Variants in KCNIP1 observed in about 807,000 individuals in gnomAD.
The protein encoded by KCNIP1 is potassium voltage-gated channel interacting protein 1.
Under a neutral mutation model 33.0 loss-of-function variants are expected in KCNIP1, and 18 were observed. The observed-to-expected ratio is 0.55, with a 90% CI of 0.38 to 0.81. KCNIP1 has a LOEUF of 0.81. Ranked by LOEUF, KCNIP1 falls within the 30% of genes least tolerant of loss-of-function variation. The pLI is 0.00. For missense variants in KCNIP1, 238 were observed against 271.6 expected (o/e 0.88, Z 0.87); for synonymous variants, 93 against 98.3 (o/e 0.95, Z 0.32).
At chr5:170,485,562 G>A (rs1264732697) in intron 1 of KCNIP1, among the ~76,000 whole-genome samples, 1 of 152,300 alleles carries the variant, frequency 6.6e-6, no homozygotes, top group East Asian at 1.9e-4. Flanking sequence ...AGTGCCTCCA[G>A]GAATCATCAA....
At chr5:170,565,824 G>A (rs1011462574) in intron 1 of KCNIP1, among the ~76,000 whole-genome samples, 13 of 152,188 alleles carry the variant, frequency 8.5e-5, no homozygotes, top group Non-Finnish European at 1.8e-4. Flanking sequence ...ATTTTCAGAA[G>A]CAATTAGATA....
chr5:170,625,671 C>G (rs1759794057), intron 1 of KCNIP1, among the ~76,000 whole-genome samples: 1 of 152,218 alleles, frequency 6.6e-6, no homozygotes, highest in Non-Finnish European at 1.5e-5. Context: ...CAGCTCTATT[C>G]AGAATACAGG....
intron 1 of KCNIP1, among the ~76,000 whole-genome samples, chr5:170,657,451 G>A (rs1006215503): frequency 6.6e-6 from 1 of 152,132 alleles, no homozygotes; most frequent in Admixed American, 6.5e-5. Flanking sequence ...CTTGGCTCAG[G>A]CCTCAGTTTC....
intron 1 of KCNIP1, among the ~76,000 whole-genome samples, chr5:170,699,556 G>GAAAA (rs35103942): frequency 8.9e-6 from 1 of 111,952 alleles, no homozygotes; most frequent in Admixed American, 8.7e-5. Flanking sequence ...ATTGCTCTGT[G>GAAAA]AAAAAAAAAA....
chr5:170,533,877 G>A (rs1755872429), intron 1 of KCNIP1, among the ~76,000 whole-genome samples: 1 of 152,114 alleles, frequency 6.6e-6, no homozygotes. Context: ...TCTGATAAAC[G>A]GTAACTAGAT....
chr5:170,405,349 ATGCCCAGT>A (rs1190583197), intron 1 of KCNIP1, among the ~76,000 whole-genome samples: 2 of 152,028 alleles, frequency 1.3e-5, no homozygotes, highest in African/African-American at 2.4e-5. Context: ...CACCACCACC[ATGCCCAGT>A]TAATTATTAG....
intron 1 of KCNIP1, among the ~76,000 whole-genome samples, chr5:170,704,969 T>C (rs1204785817): frequency 1.3e-5 from 2 of 152,194 alleles, no homozygotes; most frequent in African/African-American, 4.8e-5. Flanking sequence ...CTTTCACTGA[T>C]TGCTCCCGGG....
intron 1 of KCNIP1, among the ~76,000 whole-genome samples, chr5:170,436,731 G>A: frequency 6.6e-6 from 1 of 152,106 alleles, no homozygotes; most frequent in East Asian, 1.9e-4. Context: ...TCCTGATTGG[G>A]GTCCCATTCT....
At chr5:170,379,188 C>T (rs547963461) in intron 1 of KCNIP1, among the ~76,000 whole-genome samples, 9 of 151,540 alleles carry the variant, frequency 5.9e-5, no homozygotes, top group East Asian at 2.0e-4. Context: ...TGGAGCTGCT[C>T]GGGGTACAGG....
At chr5:170,646,413 C>T (rs1483179579) in intron 1 of KCNIP1, among the ~76,000 whole-genome samples, 3 of 152,082 alleles carry the variant, frequency 2.0e-5, no homozygotes, top group African/African-American at 7.2e-5. Context: ...GAGATTTATC[C>T]CAGTTATGCA....
intron 3 of KCNIP1, among the ~76,000 whole-genome samples, chr5:170,720,702 A>C (rs1763790596): frequency 6.6e-6 from 1 of 152,244 alleles, no homozygotes; most frequent in Non-Finnish European, 1.5e-5. Context: ...TAAGCAGTGT[A>C]CTCAAGATTG....
chr5:170,641,388 C>T (rs1244359187), intron 1 of KCNIP1, among the ~76,000 whole-genome samples: 2 of 152,196 alleles, frequency 1.3e-5, no homozygotes, highest in East Asian at 1.9e-4. Flanking sequence ...AGGGGCTGCT[C>T]GGGCCCAGTC....
chr5:170,673,921 T>G (rs914998151), intron 1 of KCNIP1, among the ~76,000 whole-genome samples: 11 of 151,970 alleles, frequency 7.2e-5, no homozygotes, highest in African/African-American at 2.7e-4. Context: ...AAAACAACTT[T>G]GGGAAACAAT....
At chr5:170,724,855 G>T (rs1165787545) in intron 5 of KCNIP1, among the ~76,000 whole-genome samples, 1 of 152,118 alleles carries the variant, frequency 6.6e-6, no homozygotes, top group African/African-American at 2.4e-5. Flanking sequence ...CATGCTCATG[G>T]GTTGGAAGGC....
chr5:170,375,030 T>A (rs1652437922), intron 1 of KCNIP1: 1 of 152,174 alleles, frequency 6.6e-6, no homozygotes, highest in African/African-American at 2.4e-5. Context: ...AGTCCCAAAT[T>A]CAGGTGCATG....
upstream of KCNIP1, among the ~76,000 whole-genome samples, chr5:170,503,724 TCACACA>T (rs70979180): frequency 0.11 from 14,707 of 136,504 alleles, 924 homozygotes; most frequent in African/African-American, 0.17. Flanking sequence ...CGCACGCACA[TCACACA>T]CACACACACA....
chr5:170,425,882 T>G (rs1326704702), intron 1 of KCNIP1, among the ~76,000 whole-genome samples: 1 of 152,218 alleles, frequency 6.6e-6, no homozygotes, highest in Non-Finnish European at 1.5e-5. Context: ...TGCTTCCTGG[T>G]GACAGAAAAT....
intron 1 of KCNIP1, among the ~76,000 whole-genome samples, chr5:170,400,790 C>A (rs997829250): frequency 6.6e-6 from 1 of 152,210 alleles, no homozygotes; most frequent in Admixed American, 6.5e-5. Flanking sequence ...CTTGTCTGAG[C>A]AGTGTGGTCC....
At chr5:170,385,699 GA>G (rs370060537) in intron 1 of KCNIP1, among the ~76,000 whole-genome samples, 38,017 of 151,996 alleles carry the variant, frequency 0.25, 4,970 homozygotes, top group African/African-American at 0.32. Context: ...GAGGTAAAGT[GA>G]CTTGCCCTAG....
Sources: allele counts gnomAD v4.1 joint callset (sites outside exome capture counted in the v4.1 genomes callset), GRCh38; gene constraint gnomAD v4.1.1; transcripts MANE v1.5; gene names NCBI Gene and HGNC (gene_info 2026-07-23, HGNC 2026-07-21).